Variants in PIP4K2A observed in about 807,000 individuals in gnomAD.
PIP4K2A encodes the protein phosphatidylinositol 5-phosphate 4-kinase type-2 alpha.
In PIP4K2A, 14 loss-of-function variants were observed where a neutral mutation model predicts 42.9. The ratio of observed to expected loss-of-function variants is 0.33; its 90% CI spans 0.22 to 0.51. The LOEUF is 0.51. Among genes scored for constraint, PIP4K2A ranks in the 20% least tolerant of loss-of-function variants. The pLI is 0.97. For missense variants in PIP4K2A, 434 were observed against 519.8 expected, an observed-to-expected ratio of 0.83 and a Z score of 1.61; for synonymous variants, 192 against 192.2, an observed-to-expected ratio of 1.00 and a Z score of 0.01.
rs568522429 is a variant in PIP4K2A at position 22,579,915 on chromosome 10, AAAAAAAG to A, written c.493-6465_493-6459del. The stretch of plus-strand genomic sequence containing the variant: ...TAGAACGAGACTTCGTCTGAGAAGA[AAAAAAAG>A]AAAAAAGAAAAAAGAAAAAAAAAGA... On this transcript the variant is annotated intron_variant, in intron 4 of 9. Coordinates refer to ENST00000376573, the MANE Select transcript of PIP4K2A (RefSeq NM_005028.5). Among the ~76,000 whole-genome samples, 548 of 145,240 alleles carry A rather than the reference AAAAAAAG, an allele frequency of 3.8e-3. 1 individual carries two copies. Among genetic ancestry groups the A allele is most frequent in the Admixed American group, 6.5e-3 (97 of 14,988 alleles).
chr10:22,569,773 G>A (rs990445916), intron 5 of PIP4K2A, among the ~76,000 whole-genome samples: 2 of 151,872 alleles, frequency 1.3e-5, no homozygotes, highest in Non-Finnish European at 2.9e-5. Flanking sequence ...TCATTAGCTT[G>A]GGAACAACAA....
chr10:22,541,851 C>A lies in PIP4K2A; in HGVS notation c.989G>T (p.Gly330Val), dbSNP rs1386362973. The A allele has an allele frequency of 6.3e-7, 1 of 1,598,726 alleles. No individual in the cohort carries two copies. Among genetic ancestry groups the A allele is most frequent in the Non-Finnish European group, 8.5e-7 (1 of 1,172,974 alleles). ...TLNSSPPLAP[G>V]EFDPNIDVYG... Reference sequence around the variant, plus strand: ...GACGTCGATGTTCGGATCGAACTCCCCGGGAGCCAGGGGTGGTGAGCTGTT... The same window carrying A: ...GACGTCGATGTTCGGATCGAACTCCACGGGAGCCAGGGGTGGTGAGCTGTT... Residue 330 changes from glycine (G) to valine (V), a missense_variant, in exon 8 of 10, where the codon GGG becomes GTG. Gly to Val is a moderately radical substitution (Grantham distance 109). Transcript: ENST00000376573.
At chr10:22,549,838 C>CAAA (rs56349240) in intron 7 of PIP4K2A, among the ~76,000 whole-genome samples, 1 of 70,126 alleles carries the variant, frequency 1.4e-5, no homozygotes, top group Non-Finnish European at 2.6e-5. Context: ...GAATCCATCT[C>CAAA]AAAAAAAAAA....
intron 1 of PIP4K2A, among the ~76,000 whole-genome samples, chr10:22,692,379 C>T (rs577691025): frequency 6.6e-6 from 1 of 152,216 alleles, no homozygotes; most frequent in Admixed American, 6.5e-5. Flanking sequence ...CTGCTCACCT[C>T]CTGCTGTGTG....
intron 1 of PIP4K2A, among the ~76,000 whole-genome samples, chr10:22,627,591 T>TTAAAAAAA (rs1838469308): frequency 5.3e-5 from 3 of 56,994 alleles, no homozygotes; most frequent in Admixed American, 2.9e-4. Flanking sequence ...TAATATGTAA[T>TTAAAAAAA]AAAAAAAAAA....
intron 1 of PIP4K2A, among the ~76,000 whole-genome samples, chr10:22,664,224 T>TATAC (rs1839303307): frequency 3.8e-5 from 2 of 52,746 alleles, no homozygotes; most frequent in East Asian, 1.4e-3. Context: ...TATACATATA[T>TATAC]ATATACACAC....
chr10:22,650,634 G>A (rs911220450), intron 1 of PIP4K2A, among the ~76,000 whole-genome samples: 11 of 152,254 alleles, frequency 7.2e-5, no homozygotes, highest in Middle Eastern at 3.4e-3. Context: ...GGTGCCACTC[G>A]CGGTATAGCA....
chr10:22,632,105 G>T (rs1838563418), intron 1 of PIP4K2A, among the ~76,000 whole-genome samples: 1 of 152,048 alleles, frequency 6.6e-6, no homozygotes, highest in Non-Finnish European at 1.5e-5. Context: ...AAGTGTAAAG[G>T]TCATGATAGA....
intron 3 of PIP4K2A, among the ~76,000 whole-genome samples, chr10:22,604,566 C>T (rs1837865989): frequency 6.6e-6 from 1 of 152,148 alleles, no homozygotes; most frequent in Non-Finnish European, 1.5e-5. Flanking sequence ...TATCCAGTGT[C>T]CTCCAAAACA....
chr10:22,648,205 T>C (rs896571481), intron 1 of PIP4K2A, among the ~76,000 whole-genome samples: 9 of 152,086 alleles, frequency 5.9e-5, no homozygotes, highest in Non-Finnish European at 1.3e-4. Context: ...TATCTTAAAA[T>C]ATGCTAAGTA....
At chr10:22,669,949 A>C (rs1346886598) in intron 1 of PIP4K2A, among the ~76,000 whole-genome samples, 1 of 152,192 alleles carries the variant, frequency 6.6e-6, no homozygotes, top group African/African-American at 2.4e-5. Flanking sequence ...TCATCTGGAC[A>C]TTATGGGACC....
chr10:22,624,368 G>T (rs999525522), intron 1 of PIP4K2A, among the ~76,000 whole-genome samples: 2 of 152,254 alleles, frequency 1.3e-5, no homozygotes, highest in African/African-American at 4.8e-5. Context: ...TGCGGGCAGA[G>T]GCATAGAAAC....
chr10:22,656,054 A>G (rs11013083), intron 1 of PIP4K2A, among the ~76,000 whole-genome samples: 1,691 of 152,330 alleles, frequency 0.011, 15 homozygotes, highest in Middle Eastern at 0.027. Flanking sequence ...CGGAGCATTA[A>G]GACCTCAATG....
chr10:22,636,070 G>A (rs537196730), intron 1 of PIP4K2A, among the ~76,000 whole-genome samples: 48 of 152,174 alleles, frequency 3.2e-4, no homozygotes, highest in Admixed American at 5.2e-4. Context: ...AATTGATAAC[G>A]CCACAAAGGG....
At chr10:22,607,904 C>T in intron 3 of PIP4K2A, 23 bp downstream of exon 3, 1 of 1,509,080 alleles carries the variant, frequency 6.6e-7, no homozygotes, top group South Asian at 1.1e-5. Context: ...CTACTGGAAG[C>T]AAATGTTACA....
chr10:22,683,290 CGTTTTTCACTGTGATCTTAAGTCACA>C (rs1281899461), intron 1 of PIP4K2A, among the ~76,000 whole-genome samples: 1 of 152,032 alleles, frequency 6.6e-6, no homozygotes, highest in South Asian at 2.1e-4. Flanking sequence ...TTGCATTTGC[CGTTTTTCACTGTGATCTTAAGTCACA>C]GTTTTTCACA....
At chr10:22,584,928 T>C (rs1292739719) in intron 4 of PIP4K2A, among the ~76,000 whole-genome samples, 2 of 152,162 alleles carry the variant, frequency 1.3e-5, no homozygotes, top group African/African-American at 2.4e-5. Flanking sequence ...TGTTCTGTTG[T>C]TCCAGAACAC....
intron 1 of PIP4K2A, among the ~76,000 whole-genome samples, chr10:22,651,918 C>A (rs1277775711): frequency 6.6e-6 from 1 of 152,174 alleles, no homozygotes; most frequent in Non-Finnish European, 1.5e-5. Context: ...GATTCCCCAC[C>A]TGCTAGCACT....
chr10:22,594,857 T>C (rs750815532), intron 3 of PIP4K2A, among the ~76,000 whole-genome samples: 2 of 152,232 alleles, frequency 1.3e-5, no homozygotes, highest in Non-Finnish European at 1.5e-5. Context: ...ATATCAGCCA[T>C]GTCTTCACCC....
Sources: allele counts gnomAD v4.1 joint callset (sites outside exome capture counted in the v4.1 genomes callset), GRCh38; gene constraint gnomAD v4.1.1; transcripts MANE v1.5; gene names NCBI Gene and HGNC (gene_info 2026-07-23, HGNC 2026-07-21).